The following FGGY variants were observed in gnomAD, a reference collection of about 807,000 sequenced individuals.
The protein encoded by FGGY is FGGY carbohydrate kinase domain containing.
In FGGY, 72 loss-of-function variants were observed where a neutral mutation model predicts 71.3. That is an observed-to-expected ratio of 1.01 (90% confidence interval 0.84 to 1.23). The LOEUF (loss-of-function observed/expected upper bound fraction) is 1.23. Among genes scored for constraint, FGGY ranks in the 50% most tolerant of loss-of-function variants. The pLI, the probability that FGGY is intolerant of heterozygous loss-of-function variation, is 0.00. For synonymous variants in FGGY, 251 were observed against 250.3 expected, an observed-to-expected ratio of 1.00 and a Z score of -0.02; for missense variants, 668 against 682.3, an observed-to-expected ratio of 0.98 and a Z score of 0.23.
intron 8 of FGGY, among the ~76,000 whole-genome samples, chr1:59,593,058 C>T (rs899101857): frequency 3.9e-5 from 6 of 152,028 alleles, no homozygotes; most frequent in Non-Finnish European, 7.4e-5. Flanking sequence ...ACATATACAC[C>T]CTGATGCTGA....
At chr1:59,588,450 A>G (rs2096357004) in intron 8 of FGGY, among the ~76,000 whole-genome samples, 3 of 152,090 alleles carry the variant, frequency 2.0e-5, no homozygotes, top group African/African-American at 7.2e-5. Context: ...AGAACGCCAC[A>G]AAGATACTCC....
At chr1:59,457,344 C>G (rs61790000) in intron 6 of FGGY, among the ~76,000 whole-genome samples, 1 of 152,172 alleles carries the variant, frequency 6.6e-6, no homozygotes, top group African/African-American at 2.4e-5. Context: ...GGCATGGTGG[C>G]TCACACCTGT....
intron 6 of FGGY, among the ~76,000 whole-genome samples, chr1:59,486,845 C>T (rs1375208925): frequency 6.6e-6 from 1 of 152,200 alleles, no homozygotes; most frequent in Non-Finnish European, 1.5e-5. Flanking sequence ...CCTTGAAAAT[C>T]CCTGAGGGAG....
chr1:59,433,377 G>A (rs189554548), intron 5 of FGGY, among the ~76,000 whole-genome samples: 7 of 152,276 alleles, frequency 4.6e-5, no homozygotes, highest in Admixed American at 4.6e-4. Flanking sequence ...TCCGAAAAGG[G>A]CATTTTCAGA....
At chr1:59,524,728 G>C (rs1009661193) in intron 7 of FGGY, among the ~76,000 whole-genome samples, 1 of 152,138 alleles carries the variant, frequency 6.6e-6, no homozygotes, top group Non-Finnish European at 1.5e-5. Context: ...CGACCTGCCT[G>C]CAGAAAAGAG....
intron 11 of FGGY, among the ~76,000 whole-genome samples, chr1:59,642,346 G>A (rs1350192033): frequency 6.6e-6 from 1 of 152,224 alleles, no homozygotes; most frequent in African/African-American, 2.4e-5. Flanking sequence ...GCAAATCACG[G>A]CTGTGTGCGG....
intron 6 of FGGY, among the ~76,000 whole-genome samples, chr1:59,462,422 C>A (rs1415847204): frequency 6.6e-6 from 1 of 151,994 alleles, no homozygotes; most frequent in African/African-American, 2.4e-5. Flanking sequence ...TCTAAAACAC[C>A]AAAAGCAATG....
chr1:59,686,277 G>A (rs2097543472), intron 14 of FGGY, among the ~76,000 whole-genome samples: 1 of 152,090 alleles, frequency 6.6e-6, no homozygotes, highest in Non-Finnish European at 1.5e-5. Context: ...TACTGACCTA[G>A]GAGTGTCTCA....
chr1:59,492,648 C>G (rs1202135757), intron 6 of FGGY, among the ~76,000 whole-genome samples: 1 of 152,012 alleles, frequency 6.6e-6, no homozygotes, highest in Non-Finnish European at 1.5e-5. Context: ...TTTCAGCTGC[C>G]TGGTATCCAC....
chr1:59,340,533 G>A (rs1269753838), intron 3 of FGGY, among the ~76,000 whole-genome samples: 1 of 152,154 alleles, frequency 6.6e-6, no homozygotes, highest in Non-Finnish European at 1.5e-5. Context: ...GAAGCAGATG[G>A]CCTCTCTATT....
chr1:59,615,435 C>T (rs960374092), intron 9 of FGGY, among the ~76,000 whole-genome samples: 4 of 152,146 alleles, frequency 2.6e-5, no homozygotes, highest in Non-Finnish European at 5.9e-5. Flanking sequence ...GGAAAACTGG[C>T]TAGCCATATG....
chr1:59,499,582 G>A (rs1368356355), intron 6 of FGGY, among the ~76,000 whole-genome samples: 2 of 152,100 alleles, frequency 1.3e-5, no homozygotes, highest in African/African-American at 4.8e-5. Context: ...AGACTGCTGT[G>A]CTAGAGTGCT....
intron 8 of FGGY, among the ~76,000 whole-genome samples, chr1:59,587,151 C>G (rs9436594): frequency 2.0e-5 from 3 of 152,242 alleles, no homozygotes; most frequent in South Asian, 4.1e-4. Flanking sequence ...TATCCCGCAC[C>G]TGGCTTGGAG....
At chr1:59,622,196 G>T (rs993084803) in intron 9 of FGGY, among the ~76,000 whole-genome samples, 4 of 151,870 alleles carry the variant, frequency 2.6e-5, no homozygotes, top group African/African-American at 9.7e-5. Flanking sequence ...TTTCCTCTCT[G>T]TTTAATAACT....
chr1:59,504,211 C>T (rs2094317318), intron 6 of FGGY, among the ~76,000 whole-genome samples: 2 of 79,546 alleles, frequency 2.5e-5, no homozygotes, highest in African/African-American at 7.7e-5. Flanking sequence ...GCGCCCCTTC[C>T]CCCTTACCTT....
At chr1:59,351,310 C>T (rs1428385710) in intron 4 of FGGY, among the ~76,000 whole-genome samples, 1 of 152,218 alleles carries the variant, frequency 6.6e-6, no homozygotes, top group Non-Finnish European at 1.5e-5. Context: ...AGTCTTTCAC[C>T]TACAGTGTTC....
At position 59,403,474 on chromosome 1, in the gene FGGY, A is replaced by G. The variant is rs1571690040; in HGVS notation, c.554+24637A>G. On this transcript the variant is annotated intron_variant, in intron 5 of 15. Transcript: ENST00000303721. ...CCATAACAAGAGTCTGGCAGATTCT[A>G]GTCTGTAGTAGCAAAATGAAGAGCA... Among the ~76,000 whole-genome samples, 2 of 152,188 alleles carry G rather than the reference A, an allele frequency of 1.3e-5. 1 individual carries two copies. Among genetic ancestry groups the G allele is most frequent in the Admixed American group, 1.3e-4 (2 of 15,284 alleles).
chr1:59,743,476 T>C (rs2098167585), intron 14 of FGGY, among the ~76,000 whole-genome samples: 1 of 152,318 alleles, frequency 6.6e-6, no homozygotes, highest in Non-Finnish European at 1.5e-5. Context: ...AAAATGACAT[T>C]ATCTGGCTCA....
chr1:59,309,971 GA>G (rs36112664), intron 1 of FGGY: 21,446 of 120,422 alleles, frequency 0.18, 1,642 homozygotes, highest in African/African-American at 0.26. Context: ...ACAGAGTGAG[GA>G]AAAAAAAAAA....
Sources: allele counts gnomAD v4.1 joint callset (sites outside exome capture counted in the v4.1 genomes callset), GRCh38; gene constraint gnomAD v4.1.1; transcripts MANE v1.5; gene names NCBI Gene and HGNC (gene_info 2026-07-23, HGNC 2026-07-21).